The following CPNE8 variants were observed in gnomAD, a reference collection of about 807,000 sequenced individuals.
The protein encoded by CPNE8 is copine-8.
Under a neutral mutation model 81.5 loss-of-function variants are expected in CPNE8, and 45 were observed. The ratio of observed to expected loss-of-function variants is 0.55; its 90% CI spans 0.44 to 0.71. The LOEUF (loss-of-function observed/expected upper bound fraction) is 0.71. Among genes scored for constraint, CPNE8 ranks in the 30% least tolerant of loss-of-function variants. The pLI, the probability that CPNE8 is intolerant of heterozygous loss-of-function variation, is 0.00. For missense variants in CPNE8, 594 were observed against 672.1 expected, an observed-to-expected ratio of 0.88 and a Z score of 1.28; for synonymous variants, 252 against 226.3, an observed-to-expected ratio of 1.11 and a Z score of -1.02.
intron 6 of CPNE8, among the ~76,000 whole-genome samples, chr12:38,782,919 A>G (rs543899738): frequency 3.3e-5 from 5 of 152,196 alleles, no homozygotes; most frequent in Admixed American, 6.5e-5. Flanking sequence ...GGCTCAAGCA[A>G]TCCTCCAGAA....
intron 13 of CPNE8, among the ~76,000 whole-genome samples, chr12:38,720,232 G>A (rs1940525059): frequency 1.3e-5 from 2 of 152,166 alleles, no homozygotes; most frequent in South Asian, 4.1e-4. Flanking sequence ...GAATCCTAAG[G>A]TTTGTAAGCA....
intron 1 of CPNE8, among the ~76,000 whole-genome samples, chr12:38,891,860 C>T (rs1225210454): frequency 6.6e-6 from 1 of 152,202 alleles, no homozygotes; most frequent in Non-Finnish European, 1.5e-5. Context: ...TTATTGAAAA[C>T]CTTTCATGTG....
At chr12:38,806,332 A>AC (rs1942800856) in intron 6 of CPNE8, among the ~76,000 whole-genome samples, 1 of 149,954 alleles carries the variant, frequency 6.7e-6, no homozygotes, top group Non-Finnish European at 1.5e-5. Flanking sequence ...TCCTTGATGA[A>AC]CATTGATGCA....
chr12:38,860,385 CAAAAAAAA>C (rs36025286), intron 3 of CPNE8, among the ~76,000 whole-genome samples: 4 of 111,316 alleles, frequency 3.6e-5, no homozygotes, highest in Non-Finnish European at 6.9e-5. Flanking sequence ...TGGCTATTAT[CAAAAAAAA>C]AAAAAAAAAA....
intron 19 of CPNE8, among the ~76,000 whole-genome samples, chr12:38,661,024 T>C (rs1938940037): frequency 6.6e-6 from 1 of 152,174 alleles, no homozygotes; most frequent in Admixed American, 6.5e-5. Context: ...TGTAAATTAG[T>C]TCAACTATTG....
At chr12:38,701,688 T>C (rs540661122) in intron 14 of CPNE8, among the ~76,000 whole-genome samples, 2 of 152,184 alleles carry the variant, frequency 1.3e-5, no homozygotes, top group South Asian at 4.1e-4. Flanking sequence ...GAGATGGGGT[T>C]TCACCATGTT....
intron 19 of CPNE8, among the ~76,000 whole-genome samples, chr12:38,656,217 T>C (rs1938814593): frequency 6.6e-6 from 1 of 151,886 alleles, no homozygotes; most frequent in African/African-American, 2.4e-5. Context: ...ATATATCTAA[T>C]TGTAACTATA....
intron 6 of CPNE8, among the ~76,000 whole-genome samples, chr12:38,778,580 A>G (rs564022762): frequency 1.3e-5 from 2 of 152,258 alleles, no homozygotes; most frequent in East Asian, 3.9e-4. Flanking sequence ...TTGGATATGG[A>G]ACAAGTTCCA....
intron 3 of CPNE8, among the ~76,000 whole-genome samples, chr12:38,852,510 G>A (rs1943662628): frequency 6.6e-6 from 1 of 152,034 alleles, no homozygotes; most frequent in Non-Finnish European, 1.5e-5. Context: ...GCTGAGGCAG[G>A]AGAATCACTT....
chr12:38,654,571 T>G (rs1374496337), intron 19 of CPNE8, among the ~76,000 whole-genome samples: 1 of 150,946 alleles, frequency 6.6e-6, no homozygotes, highest in Non-Finnish European at 1.5e-5. Flanking sequence ...GTGACTAAAC[T>G]TACATAATAT....
intron 13 of CPNE8, among the ~76,000 whole-genome samples, chr12:38,711,360 T>A (rs970075926): frequency 6.6e-6 from 1 of 152,192 alleles, no homozygotes; most frequent in Admixed American, 6.5e-5. Context: ...TCCTTTGACT[T>A]TGAAATGGAG....
chr12:38,860,385 CAAAAAAAAAAAA>C (rs36025286), intron 3 of CPNE8, among the ~76,000 whole-genome samples: 24 of 111,284 alleles, frequency 2.2e-4, no homozygotes, highest in African/African-American at 8.7e-4. Flanking sequence ...TGGCTATTAT[CAAAAAAAAAAAA>C]AAAAAAAAGG....
chr12:38,691,635 A>T lies in CPNE8; in HGVS notation c.1143+2022T>A, dbSNP rs1283322909. Among the ~76,000 whole-genome samples the T allele has an allele frequency of 3.3e-5, 5 of 152,200 alleles. No individual in the cohort carries two copies. In the East Asian group the frequency reaches 9.7e-4, roughly 29 times the overall value. On this transcript the variant is annotated intron_variant, in intron 15 of 19. Transcript: ENST00000331366. ...GTGGGAGACTATTTTTCATAGATTT[A>T]AAGAGGTCTGATCTCTCTGTCTTAT...
At chr12:38,795,183 A>G (rs535362003) in intron 6 of CPNE8, among the ~76,000 whole-genome samples, 1 of 152,302 alleles carries the variant, frequency 6.6e-6, no homozygotes, top group South Asian at 2.1e-4. Flanking sequence ...TTGCTCCTCA[A>G]CCTGCAGACC....
At chr12:38,731,669 G>A (rs990821762) in intron 10 of CPNE8, among the ~76,000 whole-genome samples, 3 of 151,752 alleles carry the variant, frequency 2.0e-5, no homozygotes, top group African/African-American at 7.3e-5. Flanking sequence ...ATATGAATAT[G>A]TTAATAGCAA....
chr12:38,829,435 A>G lies in CPNE8; in HGVS notation c.351T>C (p.Phe117=). 6.2e-7 allele frequency: 1 copy of G among 1,612,962 alleles called. No individual in the cohort carries two copies. ...AACCAACGATCTCTCCCAATGTACAAAACACTTGTCCCAGAAAGTCCTGAA... is the reference window on the plus strand; with the variant it reads ...AACCAACGATCTCTCCCAATGTACAGAACACTTGTCCCAGAAAGTCCTGAA... ...LSKHDFLGQV[F]CTLGEIVGSQ... The change falls in exon 6 of 20, where the codon TTT becomes TTC. Residue 117 remains phenylalanine, a synonymous_variant. Transcript: ENST00000331366.
chr12:38,730,253 A>G (rs1300901582), intron 11 of CPNE8, 30 bp downstream of exon 11: 2 of 1,341,926 alleles, frequency 1.5e-6, no homozygotes, highest in Non-Finnish European at 2.1e-6. Flanking sequence ...ATTCTAGAAA[A>G]AAACAATGGT....
intron 3 of CPNE8, among the ~76,000 whole-genome samples, chr12:38,862,215 GTGTAAC>G (rs1377588885): frequency 3.3e-5 from 5 of 151,938 alleles, no homozygotes; most frequent in Middle Eastern, 3.4e-3. Context: ...GATCCTGACT[GTGTAAC>G]TGTAGGTCAA....
At chr12:38,833,307 G>A (rs1009405215) in intron 5 of CPNE8, among the ~76,000 whole-genome samples, 4 of 147,020 alleles carry the variant, frequency 2.7e-5, no homozygotes, top group African/African-American at 5.0e-5. Context: ...AGCTGAGATC[G>A]TGGCACTGTA....
Sources: allele counts gnomAD v4.1 joint callset (sites outside exome capture counted in the v4.1 genomes callset), GRCh38; gene constraint gnomAD v4.1.1; transcripts MANE v1.5; gene names NCBI Gene and HGNC (gene_info 2026-07-23, HGNC 2026-07-21).